The following TRIM3 variants were observed in gnomAD, a reference collection of about 807,000 sequenced individuals.
The protein encoded by TRIM3 is tripartite motif containing 3.
TRIM3 carries 13 observed loss-of-function variants against 66.6 expected under a neutral mutation model. The observed-to-expected ratio is 0.20, with a 90% CI of 0.13 to 0.31. The LOEUF (loss-of-function observed/expected upper bound fraction) is 0.31. Ranked by LOEUF, TRIM3 falls within the 10% of genes least tolerant of loss-of-function variation. TRIM3 has a pLI of 1.00. For synonymous variants in TRIM3, 406 were observed against 411.7 expected (o/e 0.99, Z 0.17); for missense variants, 711 against 1,020.4 (o/e 0.70, Z 4.13).
chr11:6,453,311 C>T (rs1776905651), intron 7 of TRIM3: 2 of 152,224 alleles, frequency 1.3e-5, no homozygotes, highest in Admixed American at 1.3e-4. Context: ...ACACCATCTA[C>T]CCAGTCCACA....
intron 7 of TRIM3, 154 bp from the exon 8 acceptor site, chr11:6,451,592 G>A: frequency 2.7e-6 from 2 of 753,522 alleles, no homozygotes; most frequent in South Asian, 1.8e-5. Context: ...CATGGCAGCA[G>A]GTCTGGGGCA....
intron 7 of TRIM3, among the ~76,000 whole-genome samples, chr11:6,454,343 A>G (rs1419224119): frequency 6.6e-6 from 1 of 151,280 alleles, no homozygotes; most frequent in African/African-American, 2.4e-5. Flanking sequence ...GTGAGCTGTG[A>G]TCATAGCACT....
intron 1 of TRIM3, among the ~76,000 whole-genome samples, chr11:6,472,906 T>C (rs1035232808): frequency 6.6e-6 from 1 of 151,800 alleles, no homozygotes; most frequent in Non-Finnish European, 1.5e-5. Context: ...GCTTAGGGGA[T>C]GAATGGGCAC....
rs573019517 is a variant in TRIM3 at position 6,461,712 on chromosome 11, TCAGC to T, written c.132-3420_132-3417del. ...TTCCCCATGCAAAACACCTTCTAATTCAGCAATATCCCCTTCCTATTTGTCAAGT... is the reference window on the plus strand; with the variant it reads ...TTCCCCATGCAAAACACCTTCTAATTAATATCCCCTTCCTATTTGTCAAGT... On this transcript the variant is annotated intron_variant, in intron 2 of 11. Transcript: ENST00000345851. 2.2e-3 allele frequency among the ~76,000 whole-genome samples: 329 copies of T among 152,244 alleles called. 2 individuals are homozygous for T. The highest frequency in any genetic ancestry group is 7.7e-3 in the African/African-American group (319 of 41,520).
At chr11:6,470,250 G>C (rs1850627589) in intron 1 of TRIM3, among the ~76,000 whole-genome samples, 1 of 152,164 alleles carries the variant, frequency 6.6e-6, no homozygotes, top group African/African-American at 2.4e-5. Context: ...ATTTTGCAGG[G>C]GGATATCAAC....
intron 1 of TRIM3, 65 bp from the exon 2 acceptor site, chr11:6,465,797 C>A (rs1850440571): frequency 1.4e-6 from 2 of 1,459,082 alleles, no homozygotes; most frequent in Admixed American, 3.6e-5. Flanking sequence ...ATCCCCGCCA[C>A]TCAAATCCCC....
chr11:6,448,765 TG>T lies in TRIM3; in HGVS notation c.*262del. 1.6e-6 allele frequency: 1 copy of T among 609,846 alleles called. No individual in the cohort carries two copies. The highest frequency in any genetic ancestry group is 2.9e-6 in the Non-Finnish European group (1 of 343,030). 37.8% of individuals were successfully genotyped at this position (609,846 alleles called of 1,614,324 possible). ...GGGATGGGGAGCAGACTGACAGGGG[TG>T]GGGAGGTGTGTAAGAAGGGTAGGGT... On this transcript the variant is annotated 3_prime_UTR_variant, in exon 12 of 12. Transcript: ENST00000345851.
At chr11:6,469,122 C>A (rs955492722) in intron 1 of TRIM3, among the ~76,000 whole-genome samples, 1 of 152,110 alleles carries the variant, frequency 6.6e-6, no homozygotes, top group Non-Finnish European at 1.5e-5. Context: ...GGCGGAAGGA[C>A]CAGGAGGCGG....
chr11:6,472,906 T>A (rs1035232808), intron 1 of TRIM3, among the ~76,000 whole-genome samples: 51 of 151,800 alleles, frequency 3.4e-4, no homozygotes, highest in African/African-American at 1.2e-3. Flanking sequence ...GCTTAGGGGA[T>A]GAATGGGCAC....
Position 6,449,121 on chromosome 11 carries a change from A to G in TRIM3, c.2142T>C (p.Tyr714=), listed in dbSNP as rs1427010364. Residue 714 remains tyrosine, a synonymous_variant, in exon 12 of 12, where the codon TAT becomes TAC. Coordinates refer to ENST00000345851, the MANE Select transcript of TRIM3 (RefSeq NM_033278.4). This position sits in a 1 kb window ranked among gnomAD's most constrained non-coding sequence, Gnocchi z 5.3. Reference sequence around the variant, plus strand: ...AGGTCAGTGCCAGGCCCTGTGGACCATACAGTGGTTCTGCAGATGTGTTGA... The same window carrying G: ...AGGTCAGTGCCAGGCCCTGTGGACCGTACAGTGGTTCTGCAGATGTGTTGA... ...SYINTSAEPL[Y]GPQGLALTSD... The G allele has an allele frequency of 2.5e-6, 4 of 1,614,196 alleles. No individual in the cohort carries two copies. The highest frequency in any genetic ancestry group is 3.4e-6 in the Non-Finnish European group (4 of 1,180,020).
chr11:6,465,244 C>T (rs1267053805), intron 2 of TRIM3, among the ~76,000 whole-genome samples: 1 of 152,116 alleles, frequency 6.6e-6, no homozygotes, highest in Non-Finnish European at 1.5e-5. Flanking sequence ...ATTGCTGATG[C>T]CAAAGCTGGT....
At chr11:6,453,106 ATC>A (rs1169678188) in intron 7 of TRIM3, 3 of 152,264 alleles carry the variant, frequency 2.0e-5, no homozygotes, top group Admixed American at 6.5e-5. Flanking sequence ...TAAGGACTGC[ATC>A]TGTTTTGTTT....
In TRIM3 at chr11:6,457,871, G is replaced by A. The variant is rs930910945; in HGVS notation, c.364-24C>T. The A allele has an allele frequency of 6.2e-7, 1 of 1,613,604 alleles. No homozygotes were observed. The highest frequency in any genetic ancestry group is 8.5e-7 in the Non-Finnish European group (1 of 1,179,626). On this transcript the variant is annotated intron_variant, in intron 3 of 11. Coordinates refer to ENST00000345851, the MANE Select transcript of TRIM3 (RefSeq NM_033278.4). The surrounding 1 kb of genome is among the most constrained non-coding windows in gnomAD (Gnocchi z 4.5). ...GTCTGCGGTACAAGGACTCCAGTCG[G>A]GTAATGGCTAGACATCACACTTCTT...
Position 6,449,767 on chromosome 11 carries a change from A to G in TRIM3, c.1942-321T>C. The G allele has an allele frequency of 3.4e-6, 1 of 291,124 alleles. No individual in the cohort carries two copies. Among genetic ancestry groups the G allele is most frequent in the Non-Finnish European group, 6.5e-6 (1 of 154,724 alleles). 18.0% of individuals were successfully genotyped at this position (291,124 alleles called of 1,614,324 possible). On this transcript the variant is annotated intron_variant, in intron 10 of 11. Coordinates refer to ENST00000345851, the MANE Select transcript of TRIM3 (RefSeq NM_033278.4). This position sits in a 1 kb window ranked among gnomAD's most constrained non-coding sequence, Gnocchi z 5.3. ...AATTTCTTCTCTGTTTGATAGGCCA[A>G]TGAATTAACACAACTCTTGATTCCA...
At chr11:6,472,667 C>CT (rs1481958690) in intron 1 of TRIM3, among the ~76,000 whole-genome samples, 1 of 152,188 alleles carries the variant, frequency 6.6e-6, no homozygotes, top group Non-Finnish European at 1.5e-5. Flanking sequence ...CAGGAGAGCT[C>CT]TGTTTAAATC....
chr11:6,455,969 G>C, intron 7 of TRIM3, 103 bp downstream of exon 7: 1 of 1,103,486 alleles, frequency 9.1e-7, no homozygotes, highest in Non-Finnish European at 1.3e-6. Flanking sequence ...CTATCTGTAG[G>C]GTTCCATCTT....
At chr11:6,467,768 CA>C (rs373202919) in intron 1 of TRIM3, among the ~76,000 whole-genome samples, 104 of 137,800 alleles carry the variant, frequency 7.5e-4, no homozygotes, top group Admixed American at 2.0e-3. Context: ...GATTCTGTCT[CA>C]AAAAAAAAAA....
intron 1 of TRIM3, among the ~76,000 whole-genome samples, chr11:6,469,115 G>A (rs747347021): frequency 6.6e-6 from 1 of 152,224 alleles, no homozygotes; most frequent in African/African-American, 2.4e-5. Context: ...GAAGGTTGGC[G>A]GAAGGACCAG....
chr11:6,472,424 C>T, intron 1 of TRIM3, among the ~76,000 whole-genome samples: 1 of 151,598 alleles, frequency 6.6e-6, no homozygotes, highest in South Asian at 2.1e-4. Context: ...CCCCTCCACA[C>T]TCCCCCTGCC....
Sources: gnomAD v4.1 joint callset for allele counts (sites outside exome capture counted in the v4.1 genomes callset) on GRCh38, gnomAD v4.1.1 for gene constraint, Gnocchi (gnomAD v3.1) non-coding constraint, MANE v1.5 for transcripts, NCBI Gene and HGNC (gene_info 2026-07-23, HGNC 2026-07-21) for gene names.